The following MAP3K5 variants were observed in gnomAD, a reference collection of about 807,000 sequenced individuals.
The protein encoded by MAP3K5 is ASK-1.
Under a neutral mutation model 158.7 loss-of-function variants are expected in MAP3K5, and 56 were observed. That is an observed-to-expected ratio of 0.35 (90% CI 0.28 to 0.44). MAP3K5 has a LOEUF of 0.44. Among genes scored for constraint, MAP3K5 ranks in the 20% least tolerant of loss-of-function variants. MAP3K5 has a pLI of 1.00. For missense variants in MAP3K5, 1,294 were observed against 1,674.8 expected, an observed-to-expected ratio of 0.77 and a Z score of 3.97; for synonymous variants, 579 against 601.7, an observed-to-expected ratio of 0.96 and a Z score of 0.55.
intron 11 of MAP3K5, among the ~76,000 whole-genome samples, chr6:136,649,284 A>C (rs1778414629): frequency 6.6e-6 from 1 of 152,108 alleles, no homozygotes; most frequent in Non-Finnish European, 1.5e-5. Context: ...TCTGCCATTT[A>C]ATTAAACCAG....
chr6:136,617,373 C>T lies in MAP3K5; in HGVS notation c.2151-3087G>A, dbSNP rs9402834. On this transcript the variant is annotated intron_variant, in intron 15 of 29. Transcript: ENST00000359015. ...CTGTAACAAGGGAAAGAAGAAATGG[C>T]CTAGATAATCAGAGATACTTACATA... 9.8e-3 allele frequency among the ~76,000 whole-genome samples: 1,497 copies of T among 152,198 alleles called. 24 individuals are homozygous for T. Among genetic ancestry groups the T allele is most frequent in the East Asian group, 0.079 (410 of 5,174 alleles).
At chr6:136,657,307 T>C (rs989084976) in intron 9 of MAP3K5, among the ~76,000 whole-genome samples, 2 of 152,244 alleles carry the variant, frequency 1.3e-5, no homozygotes, top group African/African-American at 4.8e-5. Context: ...AGGCGCTTTA[T>C]GGACTATAAA....
chr6:136,558,941 T>C (rs1830376774), intron 28 of MAP3K5, 65 bp from the exon 29 acceptor site: 1 of 808,658 alleles, frequency 1.2e-6, no homozygotes, highest in Admixed American at 2.0e-5. Flanking sequence ...ACAAACTCTA[T>C]TCATAATGTA....
Position 136,639,655 on chromosome 6 carries a change from A to G in MAP3K5, c.1839-17T>C, listed in dbSNP as rs766194931. The G allele has an allele frequency of 3.1e-6, 4 of 1,298,066 alleles. No homozygotes were observed. Among genetic ancestry groups the G allele is most frequent in the Non-Finnish European group, 4.4e-6 (4 of 910,814 alleles). 80.4% of individuals were successfully genotyped at this position (1,298,066 alleles called of 1,614,324 possible). On this transcript the variant is annotated splice_polypyrimidine_tract_variant and intron_variant, in intron 12 of 29. Coordinates refer to ENST00000359015, the MANE Select transcript of MAP3K5 (RefSeq NM_005923.4). ...TTAGAAATACTGAAACCAACAAACA[A>G]AAAGGCATTATTCAGAGAACTATCA...
chr6:136,594,343 CA>C (rs1397704162), intron 21 of MAP3K5, among the ~76,000 whole-genome samples: 1 of 152,146 alleles, frequency 6.6e-6, no homozygotes, highest in Non-Finnish European at 1.5e-5. Flanking sequence ...GCCCAAACAC[CA>C]AACTGCTTTT....
chr6:136,616,960 C>T (rs742305), intron 15 of MAP3K5, among the ~76,000 whole-genome samples: 3,049 of 151,904 alleles, frequency 0.02, 98 homozygotes, highest in African/African-American at 0.068. Flanking sequence ...TCAAGTGATC[C>T]GCCAGCCTCA....
chr6:136,646,651 C>T (rs1381399566), intron 11 of MAP3K5, among the ~76,000 whole-genome samples: 4 of 152,192 alleles, frequency 2.6e-5, no homozygotes, highest in African/African-American at 9.7e-5. Flanking sequence ...AAATCTCCTC[C>T]TCCAGTCCTG....
chr6:136,740,979 C>T (rs1240603457), intron 1 of MAP3K5, among the ~76,000 whole-genome samples: 1 of 152,150 alleles, frequency 6.6e-6, no homozygotes, highest in Non-Finnish European at 1.5e-5. Context: ...AGACTATTTA[C>T]TTCTTCATGT....
At chr6:136,792,820 C>A (rs1363466283), upstream of MAP3K5, among the ~76,000 whole-genome samples, 2 of 152,190 alleles carry the variant, frequency 1.3e-5, no homozygotes, top group African/African-American at 2.4e-5. The surrounding 1 kb of genome is among the most constrained non-coding windows in gnomAD (Gnocchi z 5.7). Flanking sequence ...CCAGCCTCGT[C>A]GTTCCTTGCA....
At chr6:136,761,571 G>C (rs1783760423) in intron 1 of MAP3K5, among the ~76,000 whole-genome samples, 1 of 152,136 alleles carries the variant, frequency 6.6e-6, no homozygotes, top group South Asian at 2.1e-4. Flanking sequence ...GGGAAAATAA[G>C]CACAGAAGGA....
intron 2 of MAP3K5, among the ~76,000 whole-genome samples, chr6:136,705,362 A>G (rs571694012): frequency 6.6e-6 from 1 of 152,292 alleles, no homozygotes; most frequent in Admixed American, 6.5e-5. Context: ...TGGCACAATC[A>G]TAACTCACTA....
intron 1 of MAP3K5, among the ~76,000 whole-genome samples, chr6:136,736,009 A>G (rs1782444597): frequency 6.6e-6 from 1 of 151,464 alleles, no homozygotes; most frequent in Admixed American, 6.6e-5. Context: ...GAAAATCAGT[A>G]TTTTTTTTTC....
intron 9 of MAP3K5, among the ~76,000 whole-genome samples, chr6:136,657,804 G>A (rs1778814877): frequency 6.6e-6 from 1 of 152,202 alleles, no homozygotes; most frequent in African/African-American, 2.4e-5. Flanking sequence ...GGCATGCTCA[G>A]CACGTGCTCA....
At chr6:136,773,281 G>A (rs1784282903) in intron 1 of MAP3K5, among the ~76,000 whole-genome samples, 1 of 152,142 alleles carries the variant, frequency 6.6e-6, no homozygotes, top group Non-Finnish European at 1.5e-5. Flanking sequence ...ACCGCTTCCA[G>A]AGACTGCCTT....
At chr6:136,674,678 A>C (rs915883267) in intron 7 of MAP3K5, among the ~76,000 whole-genome samples, 5 of 152,020 alleles carry the variant, frequency 3.3e-5, no homozygotes, top group Non-Finnish European at 5.9e-5. Context: ...AGACTGAACA[A>C]TAACAGCAAA....
intron 1 of MAP3K5, among the ~76,000 whole-genome samples, chr6:136,746,388 T>A (rs943931938): frequency 2.0e-5 from 3 of 152,176 alleles, no homozygotes; most frequent in Non-Finnish European, 4.4e-5. Context: ...TGTCTGACTA[T>A]GAGCTATTAG....
At chr6:136,721,781 G>T (rs992449420) in intron 1 of MAP3K5, among the ~76,000 whole-genome samples, 1 of 152,176 alleles carries the variant, frequency 6.6e-6, no homozygotes, top group Non-Finnish European at 1.5e-5. Context: ...TACTCAGGAG[G>T]CTGAGTTGAG....
At chr6:136,777,362 G>C (rs938092266) in intron 1 of MAP3K5, among the ~76,000 whole-genome samples, 21 of 152,174 alleles carry the variant, frequency 1.4e-4, no homozygotes, top group African/African-American at 5.1e-4. Context: ...GAGGTGTTTT[G>C]TTGTTTAATT....
chr6:136,715,979 G>A (rs1317892619), intron 2 of MAP3K5, among the ~76,000 whole-genome samples: 8 of 129,486 alleles, frequency 6.2e-5, no homozygotes, highest in Admixed American at 2.8e-4. Context: ...GCAGTGAGCC[G>A]GGATAGCACC....
Sources: gnomAD v4.1 joint callset for allele counts (sites outside exome capture counted in the v4.1 genomes callset) on GRCh38, gnomAD v4.1.1 for gene constraint, Gnocchi (gnomAD v3.1) non-coding constraint, MANE v1.5 for transcripts, NCBI Gene and HGNC (gene_info 2026-07-23, HGNC 2026-07-21) for gene names.